Variants in ITGB6 observed in about 807,000 individuals in gnomAD.
ITGB6 encodes integrin subunit beta 6, also known as integrin beta-6.
A neutral mutation model predicts 84.5 loss-of-function variants in ITGB6; 80 were observed. The ratio of observed to expected loss-of-function variants is 0.95; its 90% confidence interval spans 0.79 to 1.14. The LOEUF is 1.14. ITGB6 is among the 50% of genes most tolerant of loss of function. ITGB6 has a pLI of 0.00. For missense variants in ITGB6, 1,006 were observed against 968.0 expected, an observed-to-expected ratio of 1.04 and a Z score of -0.52; for synonymous variants, 383 against 354.9, an observed-to-expected ratio of 1.08 and a Z score of -0.89.
chr2:160,195,339 A>G (rs1686288164), intron 4 of ITGB6, 30 bp downstream of exon 4: 2 of 1,612,964 alleles, frequency 1.2e-6, no homozygotes, highest in African/African-American at 1.3e-5. Context: ...AAATCAGCGC[A>G]CAAAGATGCC....
At position 160,175,755 on chromosome 2, in the gene ITGB6, C is replaced by T. The variant is rs564094269; in HGVS notation, c.594-1616G>A. Among the ~76,000 whole-genome samples the T allele has an allele frequency of 7.9e-5, 12 of 152,214 alleles. No homozygotes were observed. The South Asian group carries it at 1.7e-3, about 21-fold the overall frequency. On this transcript the variant is annotated intron_variant, in intron 4 of 14. Transcript: ENST00000283249. ...ATTCAATGAGATCTATTACATGTGG[C>T]GTCTTTAAATAGAAGCACACATAAA...
chr2:160,144,604 A>G (rs1471128426), intron 7 of ITGB6, among the ~76,000 whole-genome samples: 1 of 152,182 alleles, frequency 6.6e-6, no homozygotes, highest in Non-Finnish European at 1.5e-5. Context: ...AAAGGATTTC[A>G]AGGCTCTTAG....
intron 10 of ITGB6, among the ~76,000 whole-genome samples, chr2:160,128,078 A>G (rs1323703615): frequency 1.3e-5 from 2 of 152,246 alleles, no homozygotes; most frequent in African/African-American, 4.8e-5. Flanking sequence ...TGTGCCAAAG[A>G]TTGTATTAGG....
chr2:160,127,982 T>G (rs1683302102), intron 10 of ITGB6, among the ~76,000 whole-genome samples: 1 of 152,170 alleles, frequency 6.6e-6, no homozygotes, highest in African/African-American at 2.4e-5. Flanking sequence ...CTCCTAATTT[T>G]ACATTCACCA....
intron 4 of ITGB6, among the ~76,000 whole-genome samples, chr2:160,178,288 A>T (rs1685514951): frequency 6.6e-6 from 1 of 152,250 alleles, no homozygotes; most frequent in Non-Finnish European, 1.5e-5. Context: ...ATTATATGAG[A>T]TAAAAAGTAT....
chr2:160,196,702 T>C (rs2105899266), intron 2 of ITGB6, among the ~76,000 whole-genome samples: 1 of 152,258 alleles, frequency 6.6e-6, no homozygotes, highest in African/African-American at 2.4e-5. Flanking sequence ...TGTCTGTGTG[T>C]GTGTGTCTGT....
intron 7 of ITGB6, among the ~76,000 whole-genome samples, chr2:160,147,087 A>C (rs1684226106): frequency 1.4e-5 from 2 of 147,420 alleles, no homozygotes; most frequent in Admixed American, 1.4e-4. Flanking sequence ...TTGCCTCAGA[A>C]AAAAAAAAAA....
chr2:160,178,304 C>T (rs1237936584), intron 4 of ITGB6, among the ~76,000 whole-genome samples: 1 of 152,210 alleles, frequency 6.6e-6, no homozygotes, highest in South Asian at 2.1e-4. Flanking sequence ...AGTATGTAAT[C>T]ATGTTAGGTA....
At chr2:160,132,822 C>T (rs1683527082) in intron 10 of ITGB6, among the ~76,000 whole-genome samples, 1 of 152,042 alleles carries the variant, frequency 6.6e-6, no homozygotes, top group South Asian at 2.1e-4. Context: ...TTAAAACATA[C>T]ATATTTCTAC....
At chr2:160,106,509 G>T (rs1696913957) in intron 14 of ITGB6, among the ~76,000 whole-genome samples, 1 of 152,174 alleles carries the variant, frequency 6.6e-6, no homozygotes, top group Admixed American at 6.5e-5. Context: ...AAAGTTCTAA[G>T]ATTACGGTGT....
intron 12 of ITGB6, among the ~76,000 whole-genome samples, chr2:160,122,845 G>T (rs968742404): frequency 6.6e-6 from 1 of 152,238 alleles, no homozygotes; most frequent in Admixed American, 6.5e-5. Context: ...ATTAATTTCC[G>T]TATTCTAATT....
At chr2:160,185,084 C>G (rs1685841369) in intron 4 of ITGB6, among the ~76,000 whole-genome samples, 2 of 152,308 alleles carry the variant, frequency 1.3e-5, no homozygotes, top group Admixed American at 6.5e-5. Flanking sequence ...CAAGAATGCC[C>G]TCTCTCACTA....
intron 7 of ITGB6, among the ~76,000 whole-genome samples, chr2:160,145,141 G>T (rs2105829167): frequency 6.6e-6 from 1 of 152,294 alleles, no homozygotes; most frequent in Non-Finnish European, 1.5e-5. Flanking sequence ...TTTAATGTTA[G>T]AAAAAGGATG....
chr2:160,168,181 T>C (rs1241951509), intron 7 of ITGB6, among the ~76,000 whole-genome samples: 1 of 152,148 alleles, frequency 6.6e-6, no homozygotes, highest in Non-Finnish European at 1.5e-5. Flanking sequence ...GGGAGTACAA[T>C]ACCCTCCTCT....
intron 10 of ITGB6, among the ~76,000 whole-genome samples, chr2:160,135,208 C>A (rs1574070423): frequency 2.6e-5 from 4 of 151,290 alleles, no homozygotes; most frequent in African/African-American, 9.7e-5. Flanking sequence ...TCAGCAAAGT[C>A]TCAGGATACA....
chr2:160,197,571 C>T (rs934972879), intron 2 of ITGB6, among the ~76,000 whole-genome samples: 1 of 152,214 alleles, frequency 6.6e-6, no homozygotes, highest in African/African-American at 2.4e-5. Context: ...TTTTCCTTGC[C>T]TCTTAGAACT....
At chr2:160,107,905 G>T (rs1418588149) in intron 13 of ITGB6, 60 bp from the exon 14 acceptor site, 5 of 1,395,508 alleles carry the variant, frequency 3.6e-6, no homozygotes, top group Non-Finnish European at 4.9e-6. Context: ...CATCGGAAAG[G>T]CATTTCTTGT....
At chr2:160,133,255 T>G (rs545271693) in intron 10 of ITGB6, among the ~76,000 whole-genome samples, 11 of 151,884 alleles carry the variant, frequency 7.2e-5, no homozygotes, top group African/African-American at 2.7e-4. Context: ...AAGGCAGGGG[T>G]TGCAATCCTA....
At chr2:160,181,763 C>A (rs1685686009) in intron 4 of ITGB6, among the ~76,000 whole-genome samples, 1 of 152,196 alleles carries the variant, frequency 6.6e-6, no homozygotes, top group Admixed American at 6.5e-5. Context: ...TGGCGGGTGC[C>A]CCTCTGGGCC....
Sources: allele counts gnomAD v4.1 joint callset (sites outside exome capture counted in the v4.1 genomes callset), GRCh38; gene constraint gnomAD v4.1.1; transcripts MANE v1.5; gene names NCBI Gene and HGNC (gene_info 2026-07-23, HGNC 2026-07-21).